Variants in DCAF6 observed in about 807,000 individuals in gnomAD.
DCAF6 encodes the protein DDB1- and CUL4-associated factor 6.
A neutral mutation model predicts 125.1 loss-of-function variants in DCAF6; 54 were observed. The ratio of observed to expected loss-of-function variants is 0.43; its 90% CI spans 0.35 to 0.54. The LOEUF (loss-of-function observed/expected upper bound fraction) is 0.54, where lower values mean the gene tolerates loss of function less well. Among genes scored for constraint, DCAF6 ranks in the 20% least tolerant of loss-of-function variants. DCAF6 has a pLI of 0.01. For missense variants in DCAF6, 934 were observed against 1,161.7 expected (o/e 0.80, Z 2.85); for synonymous variants, 371 against 390.4 (o/e 0.95, Z 0.58).
At chr1:167,999,081 A>G (rs1458209832) in intron 7 of DCAF6, among the ~76,000 whole-genome samples, 1 of 152,130 alleles carries the variant, frequency 6.6e-6, no homozygotes, top group African/African-American at 2.4e-5. Context: ...GAAGGTTGAA[A>G]TTACTCTTTG....
the DCAF6 span, chr1:167,918,475 G>T: frequency 3.4e-6 from 2 of 593,194 alleles, no homozygotes; most frequent in East Asian, 3.1e-5. Flanking sequence ...TAGCTATACA[G>T]TTGTAAACAG....
chr1:168,004,785 A>T lies in DCAF6; in HGVS notation c.1370A>T (p.His457Leu), dbSNP rs935194003. 1 of 1,613,784 alleles carries T rather than the reference A, an allele frequency of 6.2e-7. No homozygotes were observed. Among genetic ancestry groups the T allele is most frequent in the Admixed American group, 1.7e-5 (1 of 59,988 alleles). ...SVEASGHHTH[H>L]QSEFLRGPEI... is the part of the protein sequence containing the mutation. ...GAGGCATCTGGACACCACACACATCATCAGTCTGGTGAGGATAAGTATGCT... is the reference window on the plus strand; with the variant it reads ...GAGGCATCTGGACACCACACACATCTTCAGTCTGGTGAGGATAAGTATGCT... Residue 457 changes from histidine (H) to leucine (L), a missense_variant, in exon 10 of 22, where the codon CAT becomes CTT. Physicochemically the swap from His to Leu is moderately conservative, Grantham distance 99. Transcript: ENST00000367840.
rs11558510 is a variant in DCAF6, at chr1:167,936,749, A to T, written c.-163A>T. On this transcript the variant is annotated 5_prime_UTR_variant, in exon 1 of 22. Coordinates refer to ENST00000367840, the MANE Select transcript of DCAF6 (RefSeq NM_001198956.2). ...TCCGGCCCGGGTGCGGCCGGGCTTCAGGGGCCCAGGCGCCGCTGCTGCCAC... is the reference window on the plus strand; with the variant it reads ...TCCGGCCCGGGTGCGGCCGGGCTTCTGGGGCCCAGGCGCCGCTGCTGCCAC... 3.2e-6 allele frequency: 2 copies of T among 620,738 alleles called. No individual in the cohort carries two copies. The highest frequency in any genetic ancestry group is 2.8e-6 in the Non-Finnish European group (1 of 351,724). 38.5% of individuals were successfully genotyped at this position (620,738 alleles called of 1,614,324 possible). A position where few individuals can be genotyped will look rare whatever the true frequency, so the allele number is the denominator to read the frequency against.
At chr1:167,975,100 A>T (rs541594026) in intron 4 of DCAF6, 85 bp downstream of exon 4, 3 of 801,210 alleles carry the variant, frequency 3.7e-6, no homozygotes, top group Non-Finnish European at 5.5e-6. Context: ...GCATGTGTGT[A>T]CATGTACAGA....
chr1:167,906,602 A>G, the DCAF6 span, among the ~76,000 whole-genome samples: 2 of 148,058 alleles, frequency 1.4e-5, no homozygotes, highest in South Asian at 2.2e-4. Flanking sequence ...CTTGGGCAAC[A>G]TAGTGAAATC....
At chr1:167,965,589 C>A (rs1676269539) in intron 2 of DCAF6, among the ~76,000 whole-genome samples, 1 of 152,066 alleles carries the variant, frequency 6.6e-6, no homozygotes, top group African/African-American at 2.4e-5. Flanking sequence ...CACAAAAACA[C>A]CCTCTGCACC....
intron 16 of DCAF6, among the ~76,000 whole-genome samples, chr1:168,050,370 T>A (rs1445949526): frequency 6.6e-6 from 1 of 152,190 alleles, no homozygotes; most frequent in East Asian, 1.9e-4. Flanking sequence ...ATTATTGCAG[T>A]TTACTCTTTA....
rs79292211 is a variant in DCAF6 at position 168,051,904 on chromosome 1, G to A, written c.2300+971G>A. On this transcript the variant is annotated intron_variant, in intron 17 of 21. Transcript: ENST00000367840. Reference sequence around the variant, plus strand: ...CTTTTTTTTTTTTTTTCCCCAAGATGTAGCCTTGCTCTGTTGCCCAGGCTG... The same window carrying A: ...CTTTTTTTTTTTTTTTCCCCAAGATATAGCCTTGCTCTGTTGCCCAGGCTG... Among the ~76,000 whole-genome samples the A allele has an allele frequency of 4.8e-3, 693 of 145,598 alleles. 8 individuals carry two copies. The East Asian group carries it at 0.059, about 12-fold the overall frequency.
Position 168,041,891 on chromosome 1 carries a change from C to T in DCAF6, c.1728-1134C>T, listed in dbSNP as rs890291424. Among the ~76,000 whole-genome samples the T allele has an allele frequency of 2.8e-4, 6 of 21,416 alleles. No individual in the cohort carries two copies. The South Asian group carries it at 4.1e-3, about 14-fold the overall frequency. 14.0% of individuals were successfully genotyped at this position (21,416 alleles called of 152,430 possible). A position where few individuals can be genotyped will look rare whatever the true frequency, so the allele number is the denominator to read the frequency against. On this transcript the variant is annotated intron_variant, in intron 13 of 21. Transcript: ENST00000367840. Reference sequence around the variant, plus strand: ...TGGTTTAAAAGAAATACATGTTTGTCGCGCACACACACACACACACACACA... The same window carrying T: ...TGGTTTAAAAGAAATACATGTTTGTTGCGCACACACACACACACACACACA...
At chr1:168,055,713 T>A (rs1238163858) in intron 17 of DCAF6, among the ~76,000 whole-genome samples, 3 of 101,356 alleles carry the variant, frequency 3.0e-5, no homozygotes, top group Admixed American at 1.2e-4. Context: ...AAAAGACGCA[T>A]ATTATATTTA....
At chr1:168,066,296 A>G in intron 19 of DCAF6, 81 bp from the exon 20 acceptor site, 1 of 801,006 alleles carries the variant, frequency 1.2e-6, no homozygotes, top group Non-Finnish European at 1.9e-6. Context: ...GTTTTGCTAT[A>G]TATACATATA....
In DCAF6 at chr1:167,968,023, G is replaced by A. The variant is rs150562997; in HGVS notation, c.252+1302G>A. Among the ~76,000 whole-genome samples the A allele has an allele frequency of 1.0e-3, 158 of 152,054 alleles. No individual in the cohort carries two copies. The East Asian group carries it at 0.011, about 10-fold the overall frequency. ...TGGGATTACAGGCATGAGCCACCACGCCCAGCCCAAATTTCTTGTATCTTT... is the reference window on the plus strand; with the variant it reads ...TGGGATTACAGGCATGAGCCACCACACCCAGCCCAAATTTCTTGTATCTTT... On this transcript the variant is annotated intron_variant, in intron 3 of 21. Coordinates refer to ENST00000367840, the MANE Select transcript of DCAF6 (RefSeq NM_001198956.2).
the DCAF6 span, chr1:167,880,080 A>G: frequency 0.32 from 498,128 of 1,581,068 alleles, 81,277 homozygotes; most frequent in African/African-American, 0.44. Context: ...CTGTGTTTGC[A>G]GAAAGAAAGC....
chr1:168,009,445 T>C (rs367735112), intron 10 of DCAF6, among the ~76,000 whole-genome samples: 2 of 87,622 alleles, frequency 2.3e-5, no homozygotes, highest in African/African-American at 1.1e-4. Flanking sequence ...TCTCTTTCTT[T>C]CTTTCTGTCT....
chr1:167,941,014 T>G (rs1672153908), intron 1 of DCAF6, among the ~76,000 whole-genome samples: 1 of 152,182 alleles, frequency 6.6e-6, no homozygotes, highest in Admixed American at 6.5e-5. Flanking sequence ...TACTCTTTAG[T>G]GCATCTTGAA....
the DCAF6 span, chr1:167,917,222 C>T: frequency 6.6e-6 from 1 of 152,174 alleles, no homozygotes; most frequent in Admixed American, 6.5e-5. Context: ...TCTCTCCTCA[C>T]AACGGAGCCA....
the DCAF6 span, among the ~76,000 whole-genome samples, chr1:167,914,655 T>G: frequency 1.3e-5 from 2 of 150,918 alleles, no homozygotes; most frequent in East Asian, 1.9e-4. Context: ...TTTCTTTATC[T>G]GATGTGACAC....
chr1:168,074,956 C>T (rs1412794888), intron 21 of DCAF6, among the ~76,000 whole-genome samples: 1 of 152,142 alleles, frequency 6.6e-6, no homozygotes, highest in African/African-American at 2.4e-5. Context: ...ATGCCTGGAA[C>T]ATAGTATTTA....
chr1:167,884,479 A>C, the DCAF6 span, among the ~76,000 whole-genome samples: 1 of 152,148 alleles, frequency 6.6e-6, no homozygotes, highest in Non-Finnish European at 1.5e-5. Context: ...ATTCAACATG[A>C]GATTTGGGAG....
Sources: allele counts gnomAD v4.1 joint callset (sites outside exome capture counted in the v4.1 genomes callset), GRCh38; gene constraint gnomAD v4.1.1; transcripts MANE v1.5; gene names NCBI Gene and HGNC (gene_info 2026-07-23, HGNC 2026-07-21).